The following LAPTM4B variants were observed in gnomAD, a reference collection of about 807,000 sequenced individuals.
The protein encoded by LAPTM4B is lysosomal protein transmembrane 4 beta, also known as lysosomal-associated transmembrane protein 4B.
In LAPTM4B, 26 loss-of-function variants were observed where a neutral mutation model predicts 28.5. That is an observed-to-expected ratio of 0.91 (90% CI 0.67 to 1.27). The LOEUF (loss-of-function observed/expected upper bound fraction) is 1.27. LAPTM4B is among the 50% of genes most tolerant of loss of function. The pLI is 0.00. For synonymous variants in LAPTM4B, 109 were observed against 106.4 expected (o/e 1.02, Z -0.15); for missense variants, 288 against 285.8 (o/e 1.01, Z -0.06).
chr8:97,845,865 T>C (rs1350829186), intron 6 of LAPTM4B, among the ~76,000 whole-genome samples: 5 of 13,400 alleles, frequency 3.7e-4, no homozygotes, highest in Non-Finnish European at 7.8e-4. Flanking sequence ...TCCCCCCCCT[T>C]CCACTCCCCT....
intron 1 of LAPTM4B, among the ~76,000 whole-genome samples, chr8:97,782,250 G>T (rs1398102343): frequency 7.0e-6 from 1 of 143,578 alleles, no homozygotes; most frequent in Non-Finnish European, 1.5e-5. Context: ...CAAAGTGCTG[G>T]GATTACAGGC....
At chr8:97,823,093 G>C (rs1026782719) in intron 5 of LAPTM4B, among the ~76,000 whole-genome samples, 27 of 151,954 alleles carry the variant, frequency 1.8e-4, no homozygotes, top group Admixed American at 1.6e-3. Flanking sequence ...CGCCCACCTC[G>C]GCCTCCTAAA....
chr8:97,821,345 T>C (rs539738989), intron 5 of LAPTM4B, among the ~76,000 whole-genome samples: 1 of 150,574 alleles, frequency 6.6e-6, no homozygotes, highest in Non-Finnish European at 1.5e-5. Flanking sequence ...TAGTGAAATG[T>C]TGGGGTGATC....
At chr8:97,776,578 C>T (rs933091058) in intron 1 of LAPTM4B, among the ~76,000 whole-genome samples, 1 of 152,224 alleles carries the variant, frequency 6.6e-6, no homozygotes, top group Non-Finnish European at 1.5e-5. Flanking sequence ...TTTGTCAATG[C>T]TCGTTCTCCC....
At chr8:97,833,503 A>C (rs1243754461) in intron 6 of LAPTM4B, among the ~76,000 whole-genome samples, 2 of 152,142 alleles carry the variant, frequency 1.3e-5, no homozygotes, top group African/African-American at 4.8e-5. Context: ...TAAAGGGATA[A>C]TTTTCTAGCA....
At chr8:97,797,688 A>AG (rs1490321282) in intron 1 of LAPTM4B, among the ~76,000 whole-genome samples, 2 of 109,008 alleles carry the variant, frequency 1.8e-5, no homozygotes, top group Non-Finnish European at 3.7e-5. Context: ...AATGTTCATA[A>AG]GGATTTTTTT....
intron 1 of LAPTM4B, among the ~76,000 whole-genome samples, chr8:97,785,440 GTTTA>G (rs1041721760): frequency 5.3e-5 from 8 of 152,238 alleles, no homozygotes; most frequent in African/African-American, 1.9e-4. Context: ...TATCAAAACT[GTTTA>G]TTAATACCAA....
At chr8:97,827,659 G>A (rs566323623) in intron 6 of LAPTM4B, among the ~76,000 whole-genome samples, 9 of 152,282 alleles carry the variant, frequency 5.9e-5, no homozygotes, top group East Asian at 1.9e-4. Context: ...CTGTTTCCAG[G>A]TAGATAGTAT....
Position 97,784,327 on chromosome 8 carries a change from G to C in LAPTM4B, c.99+8219G>C, listed in dbSNP as rs541730723. Among the ~76,000 whole-genome samples, 47 of 152,310 alleles carry C rather than the reference G, an allele frequency of 3.1e-4. No individual in the cohort carries two copies. In the South Asian group the frequency reaches 8.5e-3, roughly 28 times the overall value. On this transcript the variant is annotated intron_variant, in intron 1 of 6. Transcript: ENST00000521545. The stretch of plus-strand genomic sequence containing the variant: ...TTCCCCACTATGTTAGATTGTAAAA[G>C]ACTAAATAGTAGGCTAAAGAGTTTG...
At chr8:97,831,808 G>A (rs558930976) in intron 6 of LAPTM4B, among the ~76,000 whole-genome samples, 19 of 152,300 alleles carry the variant, frequency 1.2e-4, no homozygotes, top group African/African-American at 2.6e-4. Context: ...TTTTGTGGGC[G>A]CAGACGTTTC....
At chr8:97,784,595 A>G (rs1424478544) in intron 1 of LAPTM4B, among the ~76,000 whole-genome samples, 1 of 151,866 alleles carries the variant, frequency 6.6e-6, no homozygotes, top group Non-Finnish European at 1.5e-5. Flanking sequence ...GCCCACCACC[A>G]CACCCCGCTG....
intron 6 of LAPTM4B, among the ~76,000 whole-genome samples, chr8:97,848,176 C>T (rs1188124002): frequency 2.0e-5 from 3 of 152,064 alleles, no homozygotes; most frequent in African/African-American, 4.8e-5. Context: ...GCAGGAGAAT[C>T]GCTTGAACCC....
chr8:97,787,410 C>T (rs2513945), intron 1 of LAPTM4B, among the ~76,000 whole-genome samples: 15,840 of 151,608 alleles, frequency 0.1, 1,017 homozygotes, highest in Middle Eastern at 0.21. Flanking sequence ...CTCAGCCTCC[C>T]GAGTAGCTGG....
At chr8:97,803,552 G>A (rs939890180) in intron 1 of LAPTM4B, among the ~76,000 whole-genome samples, 2 of 152,048 alleles carry the variant, frequency 1.3e-5, no homozygotes, top group African/African-American at 4.8e-5. Context: ...GGGATTACAG[G>A]TGTGAGCCAC....
intron 1 of LAPTM4B, chr8:97,788,362 C>A: frequency 3.1e-6 from 1 of 318,460 alleles, no homozygotes; most frequent in Non-Finnish European, 6.3e-6. Context: ...GAAGACATGG[C>A]AAGAAGCGGA....
chr8:97,805,324 C>CTTTT lies in LAPTM4B; in HGVS notation c.100-14_100-11dup, dbSNP rs386413439. ...ATTGCATCCTGGGGTTACTTAAATT[C>CTTTT]TTTTTTTTTTTTTTTTTTCTTGTTG... On this transcript the variant is annotated intron_variant, in intron 1 of 6. Transcript: ENST00000521545. 1.7e-3 allele frequency: 1,452 copies of CTTTT among 842,238 alleles called. 6 individuals are homozygous for CTTTT. The highest frequency in any genetic ancestry group is 4.2e-3 in the South Asian group (247 of 58,518). 52.2% of individuals were successfully genotyped at this position (842,238 alleles called of 1,614,324 possible). A position where few individuals can be genotyped will look rare whatever the true frequency, so the allele number is the denominator to read the frequency against.
chr8:97,788,281 T>G, intron 1 of LAPTM4B: 1 of 376,398 alleles, frequency 2.7e-6, no homozygotes, highest in East Asian at 7.6e-5. Context: ...GTTGTTAATC[T>G]GAATCCACTG....
intron 6 of LAPTM4B, 57 bp downstream of exon 6, chr8:97,825,210 T>C: frequency 1.1e-6 from 1 of 879,784 alleles, no homozygotes; most frequent in Non-Finnish European, 1.9e-6. Context: ...TGTATGCTGA[T>C]CTTTAAGTGT....
intron 1 of LAPTM4B, among the ~76,000 whole-genome samples, chr8:97,803,543 G>T (rs1586327840): frequency 6.6e-6 from 1 of 152,228 alleles, no homozygotes; most frequent in East Asian, 1.9e-4. Flanking sequence ...CAAAGTGGTG[G>T]GATTACAGGT....
Sources: gnomAD v4.1 joint callset for allele counts (sites outside exome capture counted in the v4.1 genomes callset) on GRCh38, gnomAD v4.1.1 for gene constraint, MANE v1.5 for transcripts, NCBI Gene and HGNC (gene_info 2026-07-23, HGNC 2026-07-21) for gene names.